ANKFN1: variants seen among roughly 807,000 people sequenced by gnomAD.
The protein encoded by ANKFN1 is ankyrin repeat and fibronectin type III domain containing 1.
ANKFN1 carries 74 observed loss-of-function variants against 108.7 expected under a neutral mutation model. The ratio of observed to expected loss-of-function variants is 0.68; its 90% CI spans 0.56 to 0.83. ANKFN1 has a LOEUF of 0.83. Ranked by LOEUF, ANKFN1 falls within the 40% of genes least tolerant of loss-of-function variation. The probability of loss-of-function intolerance (pLI) is 0.00; values close to 1 mark genes in which losing one functional copy is unlikely to be tolerated. For synonymous variants in ANKFN1, 547 were observed against 516.2 expected, an observed-to-expected ratio of 1.06 and a Z score of -0.81; for missense variants, 1,505 against 1,382.3, an observed-to-expected ratio of 1.09 and a Z score of -1.41.
chr17:56,081,072 A>G (rs1340331365), intron 4 of ANKFN1, among the ~76,000 whole-genome samples: 1 of 152,118 alleles, frequency 6.6e-6, no homozygotes, highest in African/African-American at 2.4e-5. Context: ...TTTTAAAATG[A>G]TTCTGAAGGT....
chr17:56,305,137 G>A (rs2044783543), intron 3 of ANKFN1, among the ~76,000 whole-genome samples: 1 of 152,138 alleles, frequency 6.6e-6, no homozygotes, highest in African/African-American at 2.4e-5. Context: ...GCACCAAGAA[G>A]TGCCAAGCAA....
intron 10 of ANKFN1, among the ~76,000 whole-genome samples, chr17:56,447,541 T>G (rs1363494879): frequency 6.6e-6 from 1 of 152,178 alleles, no homozygotes; most frequent in Non-Finnish European, 1.5e-5. Context: ...ACAACTGGAT[T>G]GGTTATATCA....
At chr17:56,135,580 G>T (rs1480809140) in intron 4 of ANKFN1, among the ~76,000 whole-genome samples, 6 of 152,112 alleles carry the variant, frequency 3.9e-5, no homozygotes. Context: ...GAATGAGAAG[G>T]TCATTAACTT....
chr17:56,385,148 C>A (rs1461785196), intron 8 of ANKFN1, among the ~76,000 whole-genome samples: 1 of 151,464 alleles, frequency 6.6e-6, no homozygotes, highest in Non-Finnish European at 1.5e-5. Flanking sequence ...CAGAACAGAG[C>A]CCTCAGAAAT....
intron 4 of ANKFN1, among the ~76,000 whole-genome samples, chr17:56,081,116 C>A (rs113406592): frequency 3.9e-5 from 6 of 152,234 alleles, no homozygotes; most frequent in Non-Finnish European, 7.3e-5. Flanking sequence ...CCATGCAGAT[C>A]GGCAGCAACC....
intron 4 of ANKFN1, among the ~76,000 whole-genome samples, chr17:56,057,645 G>A (rs1904902332): frequency 1.3e-5 from 2 of 152,094 alleles, no homozygotes; most frequent in Non-Finnish European, 2.9e-5. Context: ...AATTAGCCGG[G>A]TCTCATGCCA....
At chr17:56,473,887 T>C (rs992100825) in intron 15 of ANKFN1, among the ~76,000 whole-genome samples, 2 of 152,170 alleles carry the variant, frequency 1.3e-5, no homozygotes, top group African/African-American at 4.8e-5. Context: ...AATCACAGTG[T>C]ACTCCTAGCT....
At chr17:56,250,420 A>T (rs775588457) in intron 3 of ANKFN1, among the ~76,000 whole-genome samples, 3 of 152,262 alleles carry the variant, frequency 2.0e-5, no homozygotes, top group Non-Finnish European at 4.4e-5. Context: ...AGGTGATGGC[A>T]TACTTGCCAA....
intron 20 of ANKFN1, among the ~76,000 whole-genome samples, chr17:56,500,592 TGGA>T (rs2051337995): frequency 6.6e-6 from 1 of 152,168 alleles, no homozygotes; most frequent in Admixed American, 6.6e-5. Context: ...GAGAGCCTCC[TGGA>T]GGAGATGACA....
In ANKFN1 at chr17:56,272,041, T is replaced by A. The variant is rs143663484; in HGVS notation, c.53+44084T>A. On this transcript the variant is annotated intron_variant, in intron 3 of 20. Transcript: ENST00000682825. ...CTAATTATAATGAGCCCAGAAAACATGGTTTTGTTACAATATTAGGACAAT... is the reference window on the plus strand; with the variant it reads ...CTAATTATAATGAGCCCAGAAAACAAGGTTTTGTTACAATATTAGGACAAT... Among the ~76,000 whole-genome samples, 256 of 152,310 alleles carry A rather than the reference T, an allele frequency of 1.7e-3. 1 individual carries two copies. Among genetic ancestry groups the A allele is most frequent in the African/African-American group, 5.7e-3 (237 of 41,558 alleles).
At chr17:56,099,843 G>A (rs757606037) in intron 4 of ANKFN1, among the ~76,000 whole-genome samples, 4 of 152,204 alleles carry the variant, frequency 2.6e-5, no homozygotes, top group Admixed American at 6.5e-5. Context: ...GCATTCCACC[G>A]TGCTCAAGTA....
intron 3 of ANKFN1, among the ~76,000 whole-genome samples, chr17:56,279,019 A>G (rs1406854738): frequency 1.3e-5 from 2 of 152,166 alleles, no homozygotes; most frequent in Non-Finnish European, 2.9e-5. Context: ...GCATTTTAAT[A>G]TGTCCTTTAG....
chr17:56,350,750 A>T lies in ANKFN1; in HGVS notation c.189-16A>T. 6.2e-7 allele frequency: 1 copy of T among 1,609,536 alleles called. No individual in the cohort carries two copies. The highest frequency in any genetic ancestry group is 8.5e-7 in the Non-Finnish European group (1 of 1,176,130). On this transcript the variant is annotated splice_polypyrimidine_tract_variant and intron_variant, in intron 4 of 20. Transcript: ENST00000682825. ...TGTGGTGTAAAAGATATAACATCGGACTTTCCTCTTCTTAGGAATTGTCGT... is the reference window on the plus strand; with the variant it reads ...TGTGGTGTAAAAGATATAACATCGGTCTTTCCTCTTCTTAGGAATTGTCGT...
intron 8 of ANKFN1, among the ~76,000 whole-genome samples, chr17:56,425,056 T>G (rs1407490658): frequency 1.3e-5 from 2 of 151,636 alleles, no homozygotes; most frequent in African/African-American, 4.9e-5. Context: ...AGAGAGAGCA[T>G]GGCTTTTGAT....
chr17:56,437,973 G>GGGGTGTGGGTGTGTGTGTGT (rs1555653063), intron 8 of ANKFN1, among the ~76,000 whole-genome samples: 1 of 142,176 alleles, frequency 7.0e-6, no homozygotes, highest in African/African-American at 2.7e-5. Flanking sequence ...ATCTACTGTA[G>GGGGTGTGGGTGTGTGTGTGT]GTGTGTGTGT....
chr17:56,207,080 T>A (rs991137949), intron 1 of ANKFN1: 1 of 152,142 alleles, frequency 6.6e-6, no homozygotes, highest in Non-Finnish European at 1.5e-5. Flanking sequence ...AGAGTTTCAA[T>A]CTTGTTCTAC....
intron 4 of ANKFN1, among the ~76,000 whole-genome samples, chr17:56,047,437 G>A (rs557998225): frequency 6.6e-6 from 1 of 152,306 alleles, no homozygotes; most frequent in East Asian, 1.9e-4. Context: ...TGTAATGAGG[G>A]TTGAAGAGTC....
chr17:56,199,388 A>G (rs930083856), intron 1 of ANKFN1, among the ~76,000 whole-genome samples: 2 of 151,748 alleles, frequency 1.3e-5, no homozygotes, highest in Non-Finnish European at 2.9e-5. Flanking sequence ...TTAAGAAGAT[A>G]TTTTCTGAAA....
intron 3 of ANKFN1, among the ~76,000 whole-genome samples, chr17:56,237,368 T>A (rs1460927848): frequency 4.6e-5 from 7 of 152,180 alleles, no homozygotes; most frequent in Admixed American, 4.6e-4. Context: ...CTTTTACATC[T>A]CTTTGTACAT....
Sources: allele counts gnomAD v4.1 joint callset (sites outside exome capture counted in the v4.1 genomes callset), GRCh38; gene constraint gnomAD v4.1.1; transcripts MANE v1.5; gene names NCBI Gene and HGNC (gene_info 2026-07-23, HGNC 2026-07-21).